EFCAB5: variants seen among roughly 807,000 people sequenced by gnomAD.
EFCAB5 encodes EF-hand calcium-binding domain-containing protein 5.
In EFCAB5, 131 loss-of-function variants were observed where a neutral mutation model predicts 167.9. That is an observed-to-expected ratio of 0.78 (90% CI 0.68 to 0.90). The LOEUF (loss-of-function observed/expected upper bound fraction) is 0.90, where lower values mean the gene tolerates loss of function less well. EFCAB5 is among the 40% of genes least tolerant of loss of function. The pLI is 0.00. For synonymous variants in EFCAB5, 574 were observed against 602.8 expected (o/e 0.95, Z 0.70); for missense variants, 1,663 against 1,745.2 (o/e 0.95, Z 0.84).
chr17:29,987,646 TTGG>T (rs2068316937), intron 4 of EFCAB5, among the ~76,000 whole-genome samples: 1 of 152,186 alleles, frequency 6.6e-6, no homozygotes, highest in South Asian at 2.1e-4. Context: ...GCTTTTGCAA[TTGG>T]TGTTTCAGGG....
chr17:29,981,921 ATTAT>A (rs1446524939), intron 4 of EFCAB5, among the ~76,000 whole-genome samples: 2 of 152,192 alleles, frequency 1.3e-5, no homozygotes, highest in Non-Finnish European at 2.9e-5. Flanking sequence ...AAGAGGCCTA[ATTAT>A]TCATCTGCTT....
chr17:30,061,094 A>T (rs2070412951), intron 14 of EFCAB5, among the ~76,000 whole-genome samples: 1 of 152,262 alleles, frequency 6.6e-6, no homozygotes. Flanking sequence ...ATAGGGACAG[A>T]TAGATAGCAT....
Position 30,085,734 on chromosome 17 carries a change from A to AAAAG in EFCAB5, c.3580-1326_3580-1325insGAAA, listed in dbSNP as rs1555572182. Among the ~76,000 whole-genome samples, 4 of 151,798 alleles carry AAAAG rather than the reference A, an allele frequency of 2.6e-5. No individual in the cohort carries two copies. The East Asian group carries it at 7.7e-4, about 29-fold the overall frequency. The stretch of plus-strand genomic sequence containing the variant: ...GACTCCGTCTCAAAAAAAAAAAAAA[A>AAAAG]AAAAGAAAAGAAAAGAAATAAATTT... On this transcript the variant is annotated intron_variant, in intron 18 of 22. Transcript: ENST00000394835.
rs1357217505 is a variant in EFCAB5 at position 29,930,154 on chromosome 17, C to A, written c.-127+825C>A. Reference sequence around the variant, plus strand: ...CGCGGGAACGGCCGCAGACTCCGCACCCACCACCAGACTGTCGCCGACTGA... The same window carrying A: ...CGCGGGAACGGCCGCAGACTCCGCAACCACCACCAGACTGTCGCCGACTGA... On this transcript the variant is annotated intron_variant, in intron 1 of 3. Coordinates refer to the EFCAB5 transcript ENST00000448319. 7.2e-6 allele frequency: 5 copies of A among 691,396 alleles called. No homozygotes were observed. The Admixed American group carries it at 8.4e-5, about 12-fold the overall frequency. The allele number at this position is 691,396 out of a possible 1,614,324, so 42.8% of individuals were successfully genotyped here. A position where few individuals can be genotyped will look rare whatever the true frequency, so the allele number is the denominator to read the frequency against.
At chr17:29,932,149 C>CTTT (rs35344808) in intron 1 of EFCAB5, among the ~76,000 whole-genome samples, 41 of 136,606 alleles carry the variant, frequency 3.0e-4, no homozygotes, top group Admixed American at 7.5e-4. Flanking sequence ...ATTAAGATAA[C>CTTT]TTTTTTTTTT....
chr17:30,015,118 A>G (rs1453552471), intron 7 of EFCAB5, among the ~76,000 whole-genome samples: 1 of 152,120 alleles, frequency 6.6e-6, no homozygotes, highest in Non-Finnish European at 1.5e-5. Context: ...AGAATGTTGA[A>G]TATTGGCCCC....
chr17:29,990,200 G>A lies in EFCAB5; in HGVS notation c.768-2965G>A, dbSNP rs191556252. Among the ~76,000 whole-genome samples, 14 of 152,300 alleles carry A rather than the reference G, an allele frequency of 9.2e-5. No individual in the cohort carries two copies. The East Asian group carries it at 2.3e-3, about 25-fold the overall frequency. On this transcript the variant is annotated intron_variant, in intron 4 of 22. Transcript: ENST00000394835. Reference sequence around the variant, plus strand: ...ACTCCAACTATGTTAAATTGAGCGGGTTGAATTGGCCATGCAGATGGCCAG... The same window carrying A: ...ACTCCAACTATGTTAAATTGAGCGGATTGAATTGGCCATGCAGATGGCCAG...
intron 18 of EFCAB5, among the ~76,000 whole-genome samples, chr17:30,083,615 A>C (rs1004381742): frequency 6.6e-6 from 1 of 152,096 alleles, no homozygotes; most frequent in Non-Finnish European, 1.5e-5. Flanking sequence ...CCACCACGCC[A>C]AGCTAATTTT....
At chr17:29,944,102 G>C (rs1015234979) in intron 3 of EFCAB5, among the ~76,000 whole-genome samples, 3 of 152,000 alleles carry the variant, frequency 2.0e-5, no homozygotes, top group African/African-American at 7.3e-5. Flanking sequence ...TTTAGAGATG[G>C]ATCTTGCCCT....
At chr17:29,966,055 C>T (rs1055837241) in intron 3 of EFCAB5, among the ~76,000 whole-genome samples, 5 of 151,610 alleles carry the variant, frequency 3.3e-5, no homozygotes, top group East Asian at 1.9e-4. Flanking sequence ...TTAAAAAAAT[C>T]GTGGTAAATA....
intron 7 of EFCAB5, among the ~76,000 whole-genome samples, chr17:30,029,773 T>C (rs1287119170): frequency 6.6e-6 from 1 of 152,208 alleles, no homozygotes; most frequent in African/African-American, 2.4e-5. Flanking sequence ...TTTCCAAACA[T>C]AGTTTTCTTT....
chr17:29,942,261 G>C lies in EFCAB5; in HGVS notation c.64G>C (p.Glu22Gln). Residue 22 changes from glutamate to glutamine, a missense_variant, in exon 2 of 23, where the codon GAG (glutamate) becomes CAG (glutamine). Transcript: ENST00000394835. ...PAQENRKEDK[E>Q]RKWNLTEVKE... ...TCAGGAAAACAGAAAAGAAGACAAA[G>C]AGAGGAAATGGAACTTAACTGAAGT... The C allele has an allele frequency of 1.9e-6, 3 of 1,590,394 alleles. No individual in the cohort carries two copies. The highest frequency in any genetic ancestry group is 2.6e-6 in the Non-Finnish European group (3 of 1,168,074).
chr17:30,076,127 C>CT (rs1188453286), intron 14 of EFCAB5, among the ~76,000 whole-genome samples: 1 of 152,232 alleles, frequency 6.6e-6, no homozygotes, highest in Non-Finnish European at 1.5e-5. Flanking sequence ...GGTTCTTTCT[C>CT]TTTGTCTTGC....
At chr17:29,942,550 T>G (rs1334927168) in intron 2 of EFCAB5, among the ~76,000 whole-genome samples, 1 of 152,170 alleles carries the variant, frequency 6.6e-6, no homozygotes, top group Non-Finnish European at 1.5e-5. Context: ...CTTTCTAAAG[T>G]TACCCTAAAA....
At chr17:30,046,069 A>G (rs1306623732) in intron 8 of EFCAB5, among the ~76,000 whole-genome samples, 1 of 152,036 alleles carries the variant, frequency 6.6e-6, no homozygotes, top group Non-Finnish European at 1.5e-5. Flanking sequence ...AAATGAACAA[A>G]CTAATCTATA....
chr17:30,020,153 C>A (rs2069140663), intron 7 of EFCAB5, among the ~76,000 whole-genome samples: 1 of 151,922 alleles, frequency 6.6e-6, no homozygotes, highest in Non-Finnish European at 1.5e-5. Flanking sequence ...GTATATACAC[C>A]ACATTTAATC....
intron 3 of EFCAB5, among the ~76,000 whole-genome samples, chr17:29,967,219 A>G (rs2067847758): frequency 6.6e-6 from 1 of 152,178 alleles, no homozygotes; most frequent in South Asian, 2.1e-4. Context: ...GTGTGCTTAC[A>G]TTTGAATTTG....
chr17:30,001,478 T>A (rs918671407), intron 7 of EFCAB5, among the ~76,000 whole-genome samples: 7 of 152,064 alleles, frequency 4.6e-5, no homozygotes, highest in African/African-American at 1.5e-4. Flanking sequence ...CATTTTCCTA[T>A]TTTTTTCATT....
intron 8 of EFCAB5, among the ~76,000 whole-genome samples, chr17:30,039,718 A>G (rs1285867777): frequency 4.6e-5 from 7 of 152,180 alleles, no homozygotes; most frequent in Non-Finnish European, 7.4e-5. Context: ...CAATCCCACC[A>G]GTGTAACCCA....
Sources: allele counts gnomAD v4.1 joint callset (sites outside exome capture counted in the v4.1 genomes callset), GRCh38; gene constraint gnomAD v4.1.1; transcripts MANE v1.5; gene names NCBI Gene and HGNC (gene_info 2026-07-23, HGNC 2026-07-21).